EGFR: variants seen among roughly 807,000 people sequenced by gnomAD.
The protein encoded by EGFR is avian erythroblastic leukemia viral (v-erb-b) oncogene homolog.
Under a neutral mutation model 143.0 loss-of-function variants are expected in EGFR, and 58 were observed. The ratio of observed to expected loss-of-function variants is 0.41; its 90% CI spans 0.33 to 0.50. The LOEUF (loss-of-function observed/expected upper bound fraction) is 0.50. EGFR is among the 20% of genes least tolerant of loss of function. The pLI is 0.39. For missense variants in EGFR, 1,307 were observed against 1,579.0 expected, an observed-to-expected ratio of 0.83 and a Z score of 2.92; for synonymous variants, 613 against 594.4, an observed-to-expected ratio of 1.03 and a Z score of -0.45.
intron 1 of EGFR, chr7:55,109,806 A>G (rs1792355997): frequency 2.0e-6 from 2 of 985,354 alleles, no homozygotes; most frequent in Non-Finnish European, 2.4e-6. Flanking sequence ...ACAAAAATAT[A>G]AAGCCCATCT....
At chr7:55,153,105 ATGG>A (rs1785240151) in intron 6 of EGFR, among the ~76,000 whole-genome samples, 1 of 152,204 alleles carries the variant, frequency 6.6e-6, no homozygotes, top group Non-Finnish European at 1.5e-5. Context: ...TAAGAGACCC[ATGG>A]AGAGCCACAC....
rs563731729 is a variant in EGFR, at chr7:55,078,392, C to T, written c.88+59027C>T. Among the ~76,000 whole-genome samples the T allele has an allele frequency of 2.6e-5, 4 of 152,242 alleles. No individual in the cohort carries two copies. The South Asian group carries it at 8.3e-4, about 32-fold the overall frequency. ...CTCCAGCCCCATCCCCAGGGTACCA[C>T]GCCACGTAGAGACACTATTTTTCAC... On this transcript the variant is annotated intron_variant, in intron 1 of 27. Transcript: ENST00000275493.
At chr7:55,041,258 C>T (rs992771643) in intron 1 of EGFR, among the ~76,000 whole-genome samples, 1 of 152,164 alleles carries the variant, frequency 6.6e-6, no homozygotes, top group Non-Finnish European at 1.5e-5. Flanking sequence ...ACTAAAAATA[C>T]AAAAATTAGC....
rs886062378 is a variant in EGFR, at chr7:55,019,041, A to G, written c.-237A>G. 4.3e-5 allele frequency: 10 copies of G among 233,402 alleles called. No individual in the cohort carries two copies. Among genetic ancestry groups the G allele is most frequent in the Non-Finnish European group, 7.3e-5 (9 of 123,036 alleles). 14.5% of individuals were successfully genotyped at this position (233,402 alleles called of 1,614,324 possible). Reference sequence around the variant, plus strand: ...TAGACGTCCGGGCAGCCCCCGGCGCAGCGCGGCCGCAGCAGCCTCCGCCCC... The same window carrying G: ...TAGACGTCCGGGCAGCCCCCGGCGCGGCGCGGCCGCAGCAGCCTCCGCCCC... On this transcript the variant is annotated 5_prime_UTR_variant, in exon 1 of 28. Coordinates refer to ENST00000275493, the MANE Select transcript of EGFR (RefSeq NM_005228.5).
In EGFR at chr7:55,151,363, G is replaced by A. The variant is rs1360336411; in HGVS notation, c.628+1G>A. On this transcript the variant is annotated splice_donor_variant, in intron 5 of 27. Transcript: ENST00000275493. LOFTEE classifies it high-confidence loss of function. ...GCAGGAGAGGAGAACTGCCAGAAAC[G>A]TAAGTCAGTGAACAGCCTCAGACCC... 8 of 1,614,040 alleles carry A rather than the reference G, an allele frequency of 5.0e-6. No individual in the cohort carries two copies. Among genetic ancestry groups the A allele is most frequent in the Non-Finnish European group, 6.8e-6 (8 of 1,180,012 alleles).
chr7:55,019,883 G>T (rs1786431540), intron 1 of EGFR, among the ~76,000 whole-genome samples: 1 of 152,122 alleles, frequency 6.6e-6, no homozygotes, highest in Non-Finnish European at 1.5e-5. Flanking sequence ...GCCTCCCCTC[G>T]GACCCCGCGG....
intron 11 of EGFR, 118 bp downstream of exon 11, chr7:55,157,871 C>A (rs1785507486): frequency 2.0e-6 from 2 of 1,005,094 alleles, no homozygotes; most frequent in South Asian, 2.7e-5. Context: ...CGCCGGCATT[C>A]CCAAATGCTA....
chr7:55,198,681 A>T (rs2128968556), intron 22 of EGFR, 36 bp from the exon 23 acceptor site: 1 of 1,613,990 alleles, frequency 6.2e-7, no homozygotes, highest in South Asian at 1.1e-5. Flanking sequence ...TTCATTCATG[A>T]TCCCACTGCC....
rs182598531 is a variant in EGFR, at chr7:55,193,004, G to A, written c.2701+163G>A. Among the ~76,000 whole-genome samples, 6 of 152,112 alleles carry A rather than the reference G, an allele frequency of 3.9e-5. No individual in the cohort carries two copies. The East Asian group carries it at 9.7e-4, about 24-fold the overall frequency. ...TCTATCTATTGTACTGAGAAAACAC[G>A]GCAGAGGAAATCGAGTCCAGCTGCC... On this transcript the variant is annotated intron_variant, in intron 22 of 27. Coordinates refer to ENST00000275493, the MANE Select transcript of EGFR (RefSeq NM_005228.5).
chr7:55,027,991 A>AATATATATAT (rs374300539), intron 1 of EGFR, among the ~76,000 whole-genome samples: 105 of 54,916 alleles, frequency 1.9e-3, no homozygotes, highest in East Asian at 7.6e-3. Context: ...AAAAAAAAAA[A>AATATATATAT]ATATATATAT....
At chr7:55,123,844 T>G (rs1339484479) in intron 1 of EGFR, among the ~76,000 whole-genome samples, 1 of 152,052 alleles carries the variant, frequency 6.6e-6, no homozygotes, top group Non-Finnish European at 1.5e-5. Context: ...TGTGTGCATG[T>G]GAATGTGCCC....
rs1794509564 is a variant in EGFR at position 55,142,385 on chromosome 7, G to A, written c.188G>A (p.Gly63Glu). Reference sequence around the variant, plus strand: ...TTCAATAACTGTGAGGTGGTCCTTGGGAATTTGGAAATTACCTATGTGCAG... The same window carrying A: ...TTCAATAACTGTGAGGTGGTCCTTGAGAATTTGGAAATTACCTATGTGCAG... ...RMFNNCEVVLGNLEITYVQRN... is the reference protein window; with the variant it reads ...RMFNNCEVVLENLEITYVQRN... The change falls in exon 2 of 28, where the codon GGG becomes GAG. Residue 63 changes from glycine to glutamate, a missense_variant. By Grantham distance (98) the Gly-to-Glu change is moderately conservative. This residue lies in a region of EGFR where 311 missense variants were observed against 412.3 expected (regional missense o/e 0.75). Transcript: ENST00000275493. 6.2e-7 allele frequency: 1 copy of A among 1,614,014 alleles called. No homozygotes were observed. Among genetic ancestry groups the A allele is most frequent in the Admixed American group, 1.7e-5 (1 of 59,994 alleles).
chr7:55,136,893 C>T (rs1273208078), intron 1 of EGFR, among the ~76,000 whole-genome samples: 1 of 152,126 alleles, frequency 6.6e-6, no homozygotes, highest in Non-Finnish European at 1.5e-5. Flanking sequence ...CTACAAAATG[C>T]CATTTTCGAC....
At position 55,154,112 on chromosome 7, in the gene EGFR, C is replaced by T. The variant is rs2128935086; in HGVS notation, c.849C>T (p.Gly283=). ...TTYQMDVNPE[G]KYSFGATCVK... ...ACCAGATGGATGTGAACCCCGAGGG[C>T]AAATACAGCTTTGGTGCCACCTGCG... is the stretch of plus-strand genomic sequence containing the variant. The change falls in exon 7 of 28, where the codon GGC becomes GGT. Residue 283 remains glycine (G), a synonymous_variant. Coordinates refer to ENST00000275493, the MANE Select transcript of EGFR (RefSeq NM_005228.5). 7 of 1,614,218 alleles carry T rather than the reference C, an allele frequency of 4.3e-6. No individual in the cohort carries two copies. In the South Asian group the frequency reaches 7.7e-5, roughly 18 times the overall value.
chr7:55,093,550 G>A (rs751009372), intron 1 of EGFR, among the ~76,000 whole-genome samples: 4 of 152,160 alleles, frequency 2.6e-5, no homozygotes, highest in Non-Finnish European at 5.9e-5. Flanking sequence ...TCTCCCGACC[G>A]TGATGCGCCT....
At position 55,092,259 on chromosome 7, in the gene EGFR, A is replaced by G. The variant is rs571524056; in HGVS notation, c.89-50027A>G. Among the ~76,000 whole-genome samples, 48 of 152,314 alleles carry G rather than the reference A, an allele frequency of 3.2e-4. No homozygotes were observed. In the South Asian group the frequency reaches 7.9e-3, roughly 25 times the overall value. On this transcript the variant is annotated intron_variant, in intron 1 of 27. Transcript: ENST00000275493. Reference sequence around the variant, plus strand: ...CTTTTGCATTTGGTCTGAAAATTCAATTAGATGCTGAGTCCTACAATGTAT... The same window carrying G: ...CTTTTGCATTTGGTCTGAAAATTCAGTTAGATGCTGAGTCCTACAATGTAT...
intron 13 of EGFR, among the ~76,000 whole-genome samples, chr7:55,163,278 C>G (rs1368627857): frequency 3.3e-5 from 5 of 152,188 alleles, no homozygotes; most frequent in Admixed American, 6.5e-5. Context: ...ATATTGTAAG[C>G]TAAGTTTTTC....
chr7:55,173,064 C>T lies in EGFR; in HGVS notation c.2001C>T (p.Phe667=), dbSNP rs2128952559. The T allele has an allele frequency of 6.2e-7, 1 of 1,613,630 alleles. No individual in the cohort carries two copies. Among genetic ancestry groups the T allele is most frequent in the Non-Finnish European group, 8.5e-7 (1 of 1,180,040 alleles). The change falls in exon 17 of 28, where the codon TTC becomes TTT. Residue 667 remains phenylalanine (F), a synonymous_variant. Coordinates refer to ENST00000275493, the MANE Select transcript of EGFR (RefSeq NM_005228.5). ...LLVVALGIGL[F]MRRRHIVRKR... Reference sequence around the variant, plus strand: ...TGGTGGCCCTGGGGATCGGCCTCTTCATGCGAAGGCGCCACATCGTTCGGA... The same window carrying T: ...TGGTGGCCCTGGGGATCGGCCTCTTTATGCGAAGGCGCCACATCGTTCGGA...
chr7:55,023,003 A>T (rs1483690711), intron 1 of EGFR, among the ~76,000 whole-genome samples: 1 of 152,216 alleles, frequency 6.6e-6, no homozygotes, highest in Non-Finnish European at 1.5e-5. Context: ...TAGCATCTGA[A>T]ACTTTTTTGA....
Sources: allele counts gnomAD v4.1 joint callset (sites outside exome capture counted in the v4.1 genomes callset), GRCh38; gene constraint gnomAD v4.1.1; regional missense constraint gnomAD v4.1.1; transcripts MANE v1.5; gene names NCBI Gene and HGNC (gene_info 2026-07-23, HGNC 2026-07-21).